The following IQCK variants were observed in gnomAD, a reference collection of about 807,000 sequenced individuals.
IQCK encodes the protein IQ domain-containing protein K.
A neutral mutation model predicts 28.1 loss-of-function variants in IQCK; 29 were observed. The observed-to-expected ratio is 1.03, with a 90% CI of 0.77 to 1.41. The LOEUF (loss-of-function observed/expected upper bound fraction) is 1.41, where lower values mean the gene tolerates loss of function less well. Ranked by LOEUF, IQCK falls within the 40% of genes most tolerant of loss-of-function variation. The pLI is 0.00. For missense variants in IQCK, 359 were observed against 314.7 expected (o/e 1.14, Z -1.07); for synonymous variants, 113 against 115.1 (o/e 0.98, Z 0.12).
rs2055943659 is a variant in IQCK at position 19,814,056 on chromosome 16, A to G, written c.691-12970A>G. On this transcript the variant is annotated intron_variant, in intron 7 of 7. Coordinates refer to ENST00000564186, the Ensembl canonical transcript of IQCK. Reference sequence around the variant, plus strand: ...AACGTGGTGAAACCCTGTCTCTACTAAAAATACAAAAAAATTAGTTGGGTG... The same window carrying G: ...AACGTGGTGAAACCCTGTCTCTACTGAAAATACAAAAAAATTAGTTGGGTG... 2.6e-5 allele frequency among the ~76,000 whole-genome samples: 4 copies of G among 151,862 alleles called. 1 individual carries two copies.
intron 9 of IQCK, among the ~76,000 whole-genome samples, chr16:19,848,398 C>T (rs35827935): frequency 0.072 from 10,901 of 152,202 alleles, 693 homozygotes; most frequent in South Asian, 0.28. Flanking sequence ...GAATACATTC[C>T]GGAACATCCA....
intron 9 of IQCK, among the ~76,000 whole-genome samples, chr16:19,850,187 T>C (rs576061285): frequency 4.6e-5 from 7 of 152,278 alleles, no homozygotes; most frequent in African/African-American, 1.7e-4. Context: ...CTGCGTAACA[T>C]CATTGTTGCT....
intron 4 of IQCK, among the ~76,000 whole-genome samples, chr16:19,763,454 T>G (rs1205661046): frequency 6.6e-6 from 1 of 151,978 alleles, no homozygotes; most frequent in Non-Finnish European, 1.5e-5. Flanking sequence ...TTTCTTTTGT[T>G]TTTTTTGAGA....
intron 4 of IQCK, among the ~76,000 whole-genome samples, chr16:19,755,162 T>C (rs921635249): frequency 9.2e-5 from 14 of 152,224 alleles, no homozygotes; most frequent in African/African-American, 3.4e-4. Context: ...TATCTGGAAA[T>C]GTATTGTGGA....
chr16:19,723,918 C>T (rs1413507774), intron 1 of IQCK, among the ~76,000 whole-genome samples: 1 of 151,732 alleles, frequency 6.6e-6, no homozygotes, highest in Non-Finnish European at 1.5e-5. Context: ...CGAGATCATG[C>T]CATTGCCCTC....
chr16:19,768,038 C>A, intron 6 of IQCK, among the ~76,000 whole-genome samples: 1 of 141,530 alleles, frequency 7.1e-6, no homozygotes, highest in South Asian at 2.2e-4. Context: ...TTTTAAACTT[C>A]CTAGGTAATT....
chr16:19,719,548 C>T (rs1977409509), intron 1 of IQCK, among the ~76,000 whole-genome samples: 1 of 151,312 alleles, frequency 6.6e-6, no homozygotes, highest in Non-Finnish European at 1.5e-5. Context: ...CGAGTTTGCG[C>T]CACTGCACTC....
chr16:19,776,403 G>A (rs1233573144), intron 6 of IQCK, among the ~76,000 whole-genome samples: 1 of 152,080 alleles, frequency 6.6e-6, no homozygotes, highest in Non-Finnish European at 1.5e-5. Context: ...GGCTGTGTGA[G>A]ACAGCTTGAA....
At chr16:19,730,113 G>A (rs943505993) in intron 1 of IQCK, among the ~76,000 whole-genome samples, 6 of 151,894 alleles carry the variant, frequency 4.0e-5, no homozygotes, top group Non-Finnish European at 8.8e-5. Flanking sequence ...CAGCCACCAC[G>A]CCCAGCTAAT....
chr16:19,827,000 A>G (rs1229247840), intron 7 of IQCK, 26 bp from the exon 8 acceptor site: 10 of 1,496,824 alleles, frequency 6.7e-6, no homozygotes, highest in Non-Finnish European at 2.8e-6. Context: ...TCGAAAAGGG[A>G]CTAAAGTTTT....
At chr16:19,750,554 C>T (rs574384981) in intron 4 of IQCK, among the ~76,000 whole-genome samples, 5 of 151,916 alleles carry the variant, frequency 3.3e-5, no homozygotes, top group African/African-American at 4.8e-5. Context: ...CTCCAACTCC[C>T]GGATTCAAGC....
chr16:19,826,167 C>T (rs1192954340), intron 7 of IQCK, among the ~76,000 whole-genome samples: 1 of 151,986 alleles, frequency 6.6e-6, no homozygotes, highest in East Asian at 1.9e-4. Flanking sequence ...CCACCACACC[C>T]AGCTAATTTT....
intron 7 of IQCK, among the ~76,000 whole-genome samples, chr16:19,816,381 A>G (rs2055989296): frequency 6.6e-6 from 1 of 152,138 alleles, no homozygotes; most frequent in Non-Finnish European, 1.5e-5. Context: ...TCCTGGGTTC[A>G]AGCGATTCTC....
chr16:19,763,756 A>G (rs1398030186), intron 4 of IQCK, 92 bp from the exon 5 acceptor site: 2 of 989,554 alleles, frequency 2.0e-6, no homozygotes, highest in East Asian at 2.4e-5. Flanking sequence ...GTTAAGCTTT[A>G]TTGAAAAAAG....
At chr16:19,761,763 C>T (rs2055147304) in intron 4 of IQCK, 1 of 218,668 alleles carries the variant, frequency 4.6e-6, no homozygotes, top group Admixed American at 5.2e-5. Context: ...TACTAGGTAT[C>T]TATCCCTTAG....
At chr16:19,841,743 G>A (rs1005870808) in intron 9 of IQCK, among the ~76,000 whole-genome samples, 4 of 152,012 alleles carry the variant, frequency 2.6e-5, no homozygotes, top group Admixed American at 2.6e-4. Context: ...CATCCCTCTC[G>A]CTGGATTCCA....
chr16:19,718,297 A>AACCGCGGCCATGGCGGC lies in IQCK; in HGVS notation c.-1_16dup, dbSNP rs768781485. The AACCGCGGCCATGGCGGC allele has an allele frequency of 2.4e-5, 38 of 1,599,682 alleles. No individual in the cohort carries two copies. The highest frequency in any genetic ancestry group is 3.4e-5 in the Admixed American group (2 of 58,544). ...TTCCGGCGAACGCGGTTACCGTGGAAACCGCGGCCATGGCGGCACCGCGGC... is the reference window on the plus strand; with the variant it reads ...TTCCGGCGAACGCGGTTACCGTGGAAACCGCGGCCATGGCGGCACCGCGGCCATGGCGGCACCGCGGC... On this transcript the variant is annotated 5_prime_UTR_variant, in exon 1 of 8. The change creates a new upstream start codon in the 5' untranslated region. Transcript: ENST00000564186.
intron 6 of IQCK, among the ~76,000 whole-genome samples, chr16:19,769,391 A>C: frequency 6.6e-6 from 1 of 152,246 alleles, no homozygotes. Context: ...TTGTGAAGAT[A>C]CAGTGATACA....
chr16:19,802,945 AAGAC>A, intron 7 of IQCK, among the ~76,000 whole-genome samples: 2 of 152,196 alleles, frequency 1.3e-5, no homozygotes, highest in Admixed American at 1.3e-4. Context: ...ACTTTTACGT[AAGAC>A]TCGTTTATTT....
Sources: allele counts gnomAD v4.1 joint callset (sites outside exome capture counted in the v4.1 genomes callset), GRCh38; gene constraint gnomAD v4.1.1; transcripts MANE v1.5; gene names NCBI Gene and HGNC (gene_info 2026-07-23, HGNC 2026-07-21).